Variants in ULK4 observed in about 807,000 individuals in gnomAD.
The protein encoded by ULK4 is unc-51 like kinase 4.
In ULK4, 133 loss-of-function variants were observed where a neutral mutation model predicts 160.6. That is an observed-to-expected ratio of 0.83 (90% CI 0.72 to 0.96). ULK4 has a LOEUF of 0.96. ULK4 is among the 40% of genes least tolerant of loss of function. The pLI is 0.00. For synonymous variants in ULK4, 534 were observed against 539.8 expected (o/e 0.99, Z 0.15); for missense variants, 1,580 against 1,499.5 (o/e 1.05, Z -0.89).
chr3:41,609,828 GC>G (rs1374799807), intron 31 of ULK4, among the ~76,000 whole-genome samples: 1 of 152,054 alleles, frequency 6.6e-6, no homozygotes, highest in Non-Finnish European at 1.5e-5. Context: ...GAAAAAATTA[GC>G]CAGGCACAGT....
intron 35 of ULK4, among the ~76,000 whole-genome samples, chr3:41,301,258 AG>A (rs1472145125): frequency 1.3e-5 from 2 of 150,294 alleles, no homozygotes; most frequent in African/African-American, 5.0e-5. Flanking sequence ...TATACTAACT[AG>A]GTTTTTTCCT....
At chr3:41,699,238 T>C (rs2036593797) in intron 27 of ULK4, among the ~76,000 whole-genome samples, 2 of 152,198 alleles carry the variant, frequency 1.3e-5, no homozygotes, top group African/African-American at 4.8e-5. Context: ...TTCCATTTGC[T>C]CTATGTCCCC....
intron 21 of ULK4, among the ~76,000 whole-genome samples, chr3:41,772,111 A>T (rs1321460914): frequency 6.6e-6 from 1 of 152,180 alleles, no homozygotes; most frequent in East Asian, 1.9e-4. Flanking sequence ...TGCCCACAAG[A>T]GAAAACAGGA....
At chr3:41,406,105 T>C (rs764296495) in intron 34 of ULK4, among the ~76,000 whole-genome samples, 3 of 152,220 alleles carry the variant, frequency 2.0e-5, no homozygotes, top group South Asian at 2.1e-4. Flanking sequence ...TTTGAGGTCC[T>C]ACATTTAAAT....
At chr3:41,891,139 C>T (rs1406184275) in intron 16 of ULK4, among the ~76,000 whole-genome samples, 1 of 128 alleles carries the variant, frequency 7.8e-3, no homozygotes, top group African/African-American at 0.01. Context: ...AAGGAAGGGA[C>T]GGGAGCGGGG....
At chr3:41,700,779 G>C (rs1330964530) in intron 27 of ULK4, among the ~76,000 whole-genome samples, 2 of 152,072 alleles carry the variant, frequency 1.3e-5, no homozygotes, top group African/African-American at 4.8e-5. Flanking sequence ...TCTGATATTA[G>C]AATTACCACA....
At chr3:41,504,347 G>C (rs965930235) in intron 32 of ULK4, among the ~76,000 whole-genome samples, 5 of 152,006 alleles carry the variant, frequency 3.3e-5, no homozygotes, top group African/African-American at 1.2e-4. Flanking sequence ...ATACATTGTT[G>C]TGACCAGACC....
rs750787754 is a variant in ULK4, at chr3:41,698,484, G to C, written c.2781+6573C>G. Among the ~76,000 whole-genome samples, 5 of 152,138 alleles carry C rather than the reference G, an allele frequency of 3.3e-5. No homozygotes were observed. In the South Asian group the frequency reaches 1.0e-3, roughly 32 times the overall value. The stretch of plus-strand genomic sequence containing the variant: ...AGGCAATGCTCATTAGAGAATTTCA[G>C]ATTTTCAGATTAGGGATGTTCAACC... On this transcript the variant is annotated intron_variant, in intron 27 of 36. Transcript: ENST00000301831.
intron 2 of ULK4, among the ~76,000 whole-genome samples, chr3:41,946,052 C>T (rs554657527): frequency 2.0e-5 from 3 of 151,798 alleles, no homozygotes; most frequent in African/African-American, 7.2e-5. Context: ...GCGGGAAGGG[C>T]ATCTAAACTA....
At chr3:41,478,761 T>C (rs1343001564) in intron 32 of ULK4, among the ~76,000 whole-genome samples, 2 of 152,244 alleles carry the variant, frequency 1.3e-5, no homozygotes, top group African/African-American at 4.8e-5. Flanking sequence ...TTAGGATTAA[T>C]TTAAGCAAAT....
At chr3:41,898,063 C>T (rs1698228468) in intron 14 of ULK4, among the ~76,000 whole-genome samples, 1 of 152,118 alleles carries the variant, frequency 6.6e-6, no homozygotes. Context: ...CTAATAGAAT[C>T]CCAATCCTTC....
intron 35 of ULK4, among the ~76,000 whole-genome samples, chr3:41,310,762 G>A (rs1296266431): frequency 6.6e-6 from 1 of 152,226 alleles, no homozygotes; most frequent in African/African-American, 2.4e-5. Context: ...GGAGGCAGAG[G>A]TGGGCAGATG....
chr3:41,395,618 G>A (rs903559497), intron 35 of ULK4, among the ~76,000 whole-genome samples: 1 of 152,124 alleles, frequency 6.6e-6, no homozygotes, highest in Non-Finnish European at 1.5e-5. Flanking sequence ...TCAGGCACTG[G>A]GAGAAGGAGG....
chr3:41,552,784 C>T (rs1210404803), intron 32 of ULK4, among the ~76,000 whole-genome samples: 1 of 151,404 alleles, frequency 6.6e-6, no homozygotes, highest in Non-Finnish European at 1.5e-5. Context: ...CCCAAATAGC[C>T]AAAGCAATCT....
At chr3:41,350,186 C>G (rs1283160685) in intron 35 of ULK4, among the ~76,000 whole-genome samples, 2 of 152,084 alleles carry the variant, frequency 1.3e-5, no homozygotes, top group Non-Finnish European at 2.9e-5. Flanking sequence ...CTTATAAAAT[C>G]CTTACTTAAC....
chr3:41,831,684 T>C (rs986239937), intron 18 of ULK4, among the ~76,000 whole-genome samples: 4 of 152,018 alleles, frequency 2.6e-5, no homozygotes, highest in African/African-American at 7.3e-5. Flanking sequence ...ATTATCCTAA[T>C]GTTCTCCCTC....
chr3:41,822,735 T>A (rs1288156295), intron 18 of ULK4, among the ~76,000 whole-genome samples: 1 of 145,170 alleles, frequency 6.9e-6, no homozygotes, highest in Non-Finnish European at 1.5e-5. Flanking sequence ...TTTTTTTTTT[T>A]TTTTTTGAGA....
At chr3:41,250,666 CTAAACATTAA>C (rs1341225947) in intron 35 of ULK4, among the ~76,000 whole-genome samples, 4 of 152,188 alleles carry the variant, frequency 2.6e-5, no homozygotes, top group Non-Finnish European at 5.9e-5. Flanking sequence ...ACAGGGGTAA[CTAAACATTAA>C]CATGAACTCT....
At chr3:41,801,494 G>A (rs2040458480) in intron 19 of ULK4, among the ~76,000 whole-genome samples, 1 of 145,914 alleles carries the variant, frequency 6.9e-6, no homozygotes, top group Non-Finnish European at 1.5e-5. Flanking sequence ...AAGAAACAAA[G>A]AAAAATGACA....
Sources: allele counts gnomAD v4.1 joint callset (sites outside exome capture counted in the v4.1 genomes callset), GRCh38; gene constraint gnomAD v4.1.1; transcripts MANE v1.5; gene names NCBI Gene and HGNC (gene_info 2026-07-23, HGNC 2026-07-21).